The following GPATCH2 variants were observed in gnomAD, a reference collection of about 807,000 sequenced individuals.
GPATCH2 encodes G patch domain-containing protein 2.
A neutral mutation model predicts 58.0 loss-of-function variants in GPATCH2; 51 were observed. The ratio of observed to expected loss-of-function variants is 0.88; its 90% CI spans 0.70 to 1.11. The LOEUF (loss-of-function observed/expected upper bound fraction) is 1.11, where lower values mean the gene tolerates loss of function less well. Ranked by LOEUF, GPATCH2 falls within the 50% of genes most tolerant of loss-of-function variation. GPATCH2 has a pLI of 0.00. For synonymous variants in GPATCH2, 222 were observed against 218.5 expected, an observed-to-expected ratio of 1.02 and a Z score of -0.14; for missense variants, 625 against 652.2, an observed-to-expected ratio of 0.96 and a Z score of 0.45.
At chr1:217,511,956 C>G (rs573220278) in intron 6 of GPATCH2, among the ~76,000 whole-genome samples, 12 of 152,194 alleles carry the variant, frequency 7.9e-5, no homozygotes, top group African/African-American at 2.9e-4. Context: ...GGACCTCCCC[C>G]ACATTGGCTC....
At chr1:217,535,417 C>G (rs1414017459) in intron 5 of GPATCH2, among the ~76,000 whole-genome samples, 1 of 152,050 alleles carries the variant, frequency 6.6e-6, no homozygotes, top group Non-Finnish European at 1.5e-5. Context: ...TGGCGTGAGC[C>G]CAGCTCACTG....
intron 5 of GPATCH2, among the ~76,000 whole-genome samples, chr1:217,534,163 C>A (rs770801451): frequency 1.8e-4 from 28 of 152,030 alleles, no homozygotes; most frequent in Non-Finnish European, 2.9e-4. Flanking sequence ...TTGCAGTGAG[C>A]CAAGATCACG....
At chr1:217,485,843 A>G (rs1434461967) in intron 8 of GPATCH2, among the ~76,000 whole-genome samples, 1 of 152,162 alleles carries the variant, frequency 6.6e-6, no homozygotes, top group African/African-American at 2.4e-5. Context: ...TGGTATTGTA[A>G]TCTTCTGGGA....
chr1:217,503,830 A>G (rs1386590779), intron 6 of GPATCH2, among the ~76,000 whole-genome samples: 1 of 152,174 alleles, frequency 6.6e-6, no homozygotes, highest in Non-Finnish European at 1.5e-5. Flanking sequence ...AGCATGTACT[A>G]TTCCATCCAA....
intron 8 of GPATCH2, among the ~76,000 whole-genome samples, chr1:217,456,227 C>A (rs1378647713): frequency 1.3e-5 from 2 of 152,246 alleles, no homozygotes; most frequent in South Asian, 2.1e-4. Context: ...ACACACCATG[C>A]CCACTTGGGC....
intron 8 of GPATCH2, among the ~76,000 whole-genome samples, chr1:217,458,062 C>T (rs1350467639): frequency 6.6e-6 from 1 of 152,126 alleles, no homozygotes; most frequent in African/African-American, 2.4e-5. Context: ...CCCGTCTCTA[C>T]TAAAAACACA....
intron 8 of GPATCH2, among the ~76,000 whole-genome samples, chr1:217,455,055 T>C (rs1659879962): frequency 1.3e-5 from 2 of 152,306 alleles, no homozygotes. Context: ...TTGGCTCTGG[T>C]CTTCTCTCTT....
At chr1:217,533,318 G>A (rs9633496) in intron 5 of GPATCH2, among the ~76,000 whole-genome samples, 25,855 of 152,164 alleles carry the variant, frequency 0.17, 2,975 homozygotes, top group East Asian at 0.48. Flanking sequence ...TTGAGTGTAT[G>A]AGATATTAAA....
rs1660266377 is a variant in GPATCH2, at chr1:217,463,056, T to A, written c.1278-13719A>T. ...TAATTTCCCACAAAGGAAATTTGTA[T>A]AAAATAAACTGAATATGGCATAATT... On this transcript the variant is annotated intron_variant, in intron 8 of 9. Coordinates refer to ENST00000366935, the MANE Select transcript of GPATCH2 (RefSeq NM_018040.5). Among the ~76,000 whole-genome samples the A allele has an allele frequency of 4.6e-5, 7 of 152,264 alleles. No homozygotes were observed. In the South Asian group the frequency reaches 1.2e-3, roughly 27 times the overall value.
intron 6 of GPATCH2, among the ~76,000 whole-genome samples, chr1:217,509,496 G>A (rs1243008450): frequency 6.6e-6 from 1 of 152,154 alleles, no homozygotes; most frequent in Non-Finnish European, 1.5e-5. Context: ...GTGGTGATTT[G>A]TCTTATATCT....
At chr1:217,528,455 A>G (rs1004691629) in intron 5 of GPATCH2, among the ~76,000 whole-genome samples, 2 of 152,224 alleles carry the variant, frequency 1.3e-5, no homozygotes, top group Non-Finnish European at 2.9e-5. Flanking sequence ...CCTTCTGCCT[A>G]CGATGACTAG....
intron 5 of GPATCH2, among the ~76,000 whole-genome samples, chr1:217,531,521 T>A (rs1664187880): frequency 1.3e-5 from 2 of 152,148 alleles, no homozygotes; most frequent in Non-Finnish European, 2.9e-5. Flanking sequence ...ACCATTCTAA[T>A]ACCTATCTCA....
chr1:217,589,278 C>T (rs11583496), intron 5 of GPATCH2, among the ~76,000 whole-genome samples: 27,352 of 151,230 alleles, frequency 0.18, 2,798 homozygotes, highest in East Asian at 0.23. Flanking sequence ...TGCTTCATGC[C>T]ATCACCTCTT....
chr1:217,584,250 T>C (rs1667215557), intron 5 of GPATCH2, among the ~76,000 whole-genome samples: 1 of 149,140 alleles, frequency 6.7e-6, no homozygotes. Flanking sequence ...GTAATACTAG[T>C]GGGAGGCCGA....
intron 1 of GPATCH2, among the ~76,000 whole-genome samples, chr1:217,621,362 T>G (rs1285128890): frequency 1.3e-5 from 2 of 152,120 alleles, no homozygotes; most frequent in Non-Finnish European, 2.9e-5. Context: ...CAATTCAGAT[T>G]TGCACCCGTC....
At chr1:217,549,523 T>G (rs1375803326) in intron 5 of GPATCH2, among the ~76,000 whole-genome samples, 1 of 149,124 alleles carries the variant, frequency 6.7e-6, no homozygotes, top group Admixed American at 7.0e-5. Context: ...CTCTCCATCT[T>G]TGCCCTTATG....
At chr1:217,572,935 T>C (rs1429019910) in intron 5 of GPATCH2, among the ~76,000 whole-genome samples, 1 of 152,198 alleles carries the variant, frequency 6.6e-6, no homozygotes, top group Admixed American at 6.5e-5. Flanking sequence ...GTAAAAGTAA[T>C]TTCCAAATGT....
chr1:217,488,329 A>C (rs1472526992), intron 8 of GPATCH2, among the ~76,000 whole-genome samples: 1 of 152,216 alleles, frequency 6.6e-6, no homozygotes. Context: ...TAAGCTATCA[A>C]TAATAGCAGT....
intron 9 of GPATCH2, among the ~76,000 whole-genome samples, chr1:217,442,283 T>A (rs1264810972): frequency 6.6e-6 from 1 of 151,464 alleles, no homozygotes; most frequent in Non-Finnish European, 1.5e-5. Context: ...TAAGTGGGAG[T>A]TGAACAATGA....
Sources: allele counts gnomAD v4.1 joint callset (sites outside exome capture counted in the v4.1 genomes callset), GRCh38; gene constraint gnomAD v4.1.1; transcripts MANE v1.5; gene names NCBI Gene and HGNC (gene_info 2026-07-23, HGNC 2026-07-21).